GLTPD2: variants seen among roughly 807,000 people sequenced by gnomAD.
GLTPD2 encodes the protein glycolipid transfer protein domain-containing protein 2.
A neutral mutation model predicts 12.9 loss-of-function variants in GLTPD2; 12 were observed. That is an observed-to-expected ratio of 0.93 (90% CI 0.59 to 1.50). The LOEUF is 1.50. Ranked by LOEUF, GLTPD2 falls within the 40% of genes most tolerant of loss-of-function variation. The pLI, the probability that GLTPD2 is intolerant of heterozygous loss-of-function variation, is 0.00. For missense variants in GLTPD2, 450 were observed against 426.2 expected (o/e 1.06, Z -0.49); for synonymous variants, 199 against 205.6 (o/e 0.97, Z 0.27).
In GLTPD2 at chr17:4,790,320, G is replaced by A; in HGVS notation, c.*24G>A. 1 of 1,436,850 alleles carries A rather than the reference G, an allele frequency of 7.0e-7. No homozygotes were observed. Among genetic ancestry groups the A allele is most frequent in the Non-Finnish European group, 9.1e-7 (1 of 1,103,242 alleles). The allele number at this position is 1,436,850 out of a possible 1,614,324, so 89.0% of individuals were successfully genotyped here. On this transcript the variant is annotated 3_prime_UTR_variant, in exon 4 of 4. Coordinates refer to ENST00000331264, the MANE Select transcript of GLTPD2 (RefSeq NM_001014985.3). Reference sequence around the variant, plus strand: ...AAGACGGCGGCTGCGGGGACCGGCGGGAACGGAGCGGACCGCCCGGGGTGG... The same window carrying A: ...AAGACGGCGGCTGCGGGGACCGGCGAGAACGGAGCGGACCGCCCGGGGTGG...
chr17:4,790,466 T>A lies in GLTPD2; in HGVS notation c.*170T>A, dbSNP rs1917642633. The A allele has an allele frequency of 2.1e-6, 1 of 466,354 alleles. No individual in the cohort carries two copies. Among genetic ancestry groups the A allele is most frequent in the Non-Finnish European group, 3.6e-6 (1 of 279,108 alleles). The allele number at this position is 466,354 out of a possible 1,614,324, so 28.9% of individuals were successfully genotyped here. ...GCAGGGAATGGCGTTGAGCTCCCTC[T>A]GTCCGCAGTCTCGGAAAGACGGGAG... On this transcript the variant is annotated 3_prime_UTR_variant, in exon 4 of 4. Transcript: ENST00000331264.
In GLTPD2 at chr17:4,789,691, C is replaced by A; in HGVS notation, c.338+14C>A. On this transcript the variant is annotated intron_variant, in intron 3 of 3. Transcript: ENST00000331264. ...GGCACTCGTCGAGTGAGTGGCCTCC[C>A]GCCCCCCAGCCGGTCCCCGCCTCCT... The A allele has an allele frequency of 6.2e-7, 1 of 1,603,986 alleles. No individual in the cohort carries two copies. Among genetic ancestry groups the A allele is most frequent in the Admixed American group, 1.7e-5 (1 of 58,538 alleles).
At chr17:4,789,345 G>A (rs79202680) in intron 2 of GLTPD2, 55 bp downstream of exon 2, 8 of 1,529,594 alleles carry the variant, frequency 5.2e-6, no homozygotes, top group Non-Finnish European at 6.2e-6. Flanking sequence ...AGAACAGGGG[G>A]ACGTGGAGCC....
rs374396527 is a variant in GLTPD2 at position 4,789,061 on chromosome 17, C to A, written c.50C>A (p.Ser17Ter). Residue 17 changes from serine to a stop codon, truncating the protein, a stop_gained, in exon 1 of 4, where the codon TCA becomes TAA. Transcript: ENST00000331264. LOFTEE classifies it high-confidence loss of function. ...GCCCTGCGGCACTGGTTCAGCCACT[C>A]AATTCCTCTCGCTATCTTCGCGCTG... ...PPALRHWFSH[S>*]IPLAIFALLL... 2.0e-5 allele frequency: 32 copies of A among 1,613,890 alleles called. No homozygotes were observed. Among genetic ancestry groups the A allele is most frequent in the Admixed American group, 6.7e-5 (4 of 60,000 alleles).
intron 1 of GLTPD2, 31 bp from the exon 2 acceptor site, chr17:4,789,195 G>A: frequency 6.2e-7 from 1 of 1,602,844 alleles, no homozygotes; most frequent in Non-Finnish European, 8.5e-7. Context: ...TCTTTCTCGA[G>A]CCCTCACCGC....
Position 4,790,251 on chromosome 17 carries a change from C to T in GLTPD2, c.831C>T (p.Arg277=). ...AAGTLEDVYN[R]TQSLLAERGL... is the part of the protein sequence containing the mutation. ...GCACCTTGGAGGATGTCTACAACCGCACCCAGAGCCTGCTGGCCGAGCGCG... is the reference window on the plus strand; with the variant it reads ...GCACCTTGGAGGATGTCTACAACCGTACCCAGAGCCTGCTGGCCGAGCGCG... The change falls in exon 4 of 4, where the codon CGC becomes CGT. Residue 277 remains arginine, a synonymous_variant. Coordinates refer to ENST00000331264, the MANE Select transcript of GLTPD2 (RefSeq NM_001014985.3). The T allele has an allele frequency of 1.3e-6, 2 of 1,483,096 alleles. No homozygotes were observed. Among genetic ancestry groups the T allele is most frequent in the Non-Finnish European group, 8.9e-7 (1 of 1,124,816 alleles). The allele number at this position is 1,483,096 out of a possible 1,614,324, so 91.9% of individuals were successfully genotyped here. A position where few individuals can be genotyped will look rare whatever the true frequency, so the allele number is the denominator to read the frequency against.
rs1281203108 is a variant in GLTPD2 at position 4,788,983 on chromosome 17, G to T, written c.-29G>T. The T allele has an allele frequency of 1.3e-6, 2 of 1,599,122 alleles. No individual in the cohort carries two copies. The highest frequency in any genetic ancestry group is 1.7e-6 in the Non-Finnish European group (2 of 1,174,890). ...AGGGACACGGACTGGCTAGGCGCTGGTGAGGGGGCGGCGGTCCCAGCAGCA... is the reference window on the plus strand; with the variant it reads ...AGGGACACGGACTGGCTAGGCGCTGTTGAGGGGGCGGCGGTCCCAGCAGCA... On this transcript the variant is annotated 5_prime_UTR_variant, in exon 1 of 4. Coordinates refer to ENST00000331264, the MANE Select transcript of GLTPD2 (RefSeq NM_001014985.3).
chr17:4,790,056 G>C lies in GLTPD2; in HGVS notation c.636G>C (p.Val212=), dbSNP rs1318206534. The C allele has an allele frequency of 7.0e-7, 1 of 1,422,346 alleles. No homozygotes were observed. The highest frequency in any genetic ancestry group is 9.1e-7 in the Non-Finnish European group (1 of 1,099,206). 88.1% of individuals were successfully genotyped at this position (1,422,346 alleles called of 1,614,324 possible). ...TGALGGPDAG[V]QCSDAYRAAL... ...CGCTGGGAGGCCCGGACGCGGGCGTGCAGTGCAGCGACGCCTACCGTGCGG... is the reference window on the plus strand; with the variant it reads ...CGCTGGGAGGCCCGGACGCGGGCGTCCAGTGCAGCGACGCCTACCGTGCGG... The change falls in exon 4 of 4, where the codon GTG becomes GTC. Residue 212 remains valine (V), a synonymous_variant. Transcript: ENST00000331264.
chr17:4,788,991 G>A lies in GLTPD2; in HGVS notation c.-21G>A, dbSNP rs758408467. ...GGACTGGCTAGGCGCTGGTGAGGGG[G>A]CGGCGGTCCCAGCAGCAGGCATGGG... On this transcript the variant is annotated 5_prime_UTR_variant, in exon 1 of 4. Coordinates refer to ENST00000331264, the MANE Select transcript of GLTPD2 (RefSeq NM_001014985.3). 1.2e-5 allele frequency: 19 copies of A among 1,602,442 alleles called. No individual in the cohort carries two copies. The highest frequency in any genetic ancestry group is 1.6e-5 in the Non-Finnish European group (19 of 1,176,036).
chr17:4,789,296 C>G lies in GLTPD2; in HGVS notation c.171+6C>G, dbSNP rs889343169. 1.3e-6 allele frequency: 2 copies of G among 1,582,576 alleles called. No individual in the cohort carries two copies. The highest frequency in any genetic ancestry group is 2.7e-5 in the African/African-American group (2 of 73,718). ...GGGAAACGGCGCCCTTCCAGGTACG[C>G]TAGGCGCAGGATTGGGCGCGGGCGC... is the stretch of plus-strand genomic sequence containing the variant. On this transcript the variant is annotated splice_donor_region_variant and intron_variant, in intron 2 of 3. Coordinates refer to ENST00000331264, the MANE Select transcript of GLTPD2 (RefSeq NM_001014985.3).
chr17:4,790,134 C>T lies in GLTPD2; in HGVS notation c.714C>T (p.Phe238=), dbSNP rs765358242. The T allele has an allele frequency of 1.4e-6, 2 of 1,460,902 alleles. No individual in the cohort carries two copies. The highest frequency in any genetic ancestry group is 2.9e-5 in the East Asian group (1 of 34,206). 90.5% of individuals were successfully genotyped at this position (1,460,902 alleles called of 1,614,324 possible). A position where few individuals can be genotyped will look rare whatever the true frequency, so the allele number is the denominator to read the frequency against. ...TCCGACAGACCGCCCGCCTCGCCTT[C>T]CTCGCCTTCCCGGGTCGCCGCCGCC... ...WLVRQTARLA[F]LAFPGRRRLL... The change falls in exon 4 of 4, where the codon TTC becomes TTT. Residue 238 remains phenylalanine (F), a synonymous_variant. Transcript: ENST00000331264.
Position 4,790,129 on chromosome 17 carries a change from G to A in GLTPD2, c.709G>A (p.Ala237Thr). 6.9e-7 allele frequency: 1 copy of A among 1,453,974 alleles called. No individual in the cohort carries two copies. The highest frequency in any genetic ancestry group is 9.0e-7 in the Non-Finnish European group (1 of 1,113,834). 90.1% of individuals were successfully genotyped at this position (1,453,974 alleles called of 1,614,324 possible). A position where few individuals can be genotyped will look rare whatever the true frequency, so the allele number is the denominator to read the frequency against. ...PWLVRQTARL[A>T]FLAFPGRRRL... is the part of the protein sequence containing the mutation. ...GCTGGTCCGACAGACCGCCCGCCTC[G>A]CCTTCCTCGCCTTCCCGGGTCGCCG... The change falls in exon 4 of 4, where the codon GCC (alanine) becomes ACC (threonine). Residue 237 changes from alanine (A) to threonine (T), a missense_variant. By Grantham distance (58) the Ala-to-Thr change is moderately conservative. Coordinates refer to ENST00000331264, the MANE Select transcript of GLTPD2 (RefSeq NM_001014985.3).
rs369571991 is a variant in GLTPD2, at chr17:4,790,150, C to A, written c.730C>A (p.Arg244Ser). The A allele has an allele frequency of 1.4e-6, 2 of 1,466,872 alleles. No individual in the cohort carries two copies. The highest frequency in any genetic ancestry group is 1.3e-5 in the South Asian group (1 of 74,912). 90.9% of individuals were successfully genotyped at this position (1,466,872 alleles called of 1,614,324 possible). ...CCTCGCCTTCCTCGCCTTCCCGGGT[C>A]GCCGCCGCCTGCTGGAGCTGGCGTG... ...ARLAFLAFPG[R>S]RRLLELACPG... Residue 244 changes from arginine (R) to serine (S), a missense_variant, in exon 4 of 4, where the codon CGC becomes AGC. Transcript: ENST00000331264.
rs761320463 is a variant in GLTPD2, at chr17:4,789,680, G to C, written c.338+3G>C. 6 of 1,609,060 alleles carry C rather than the reference G, an allele frequency of 3.7e-6. No homozygotes were observed. The Admixed American group carries it at 1.0e-4, about 27-fold the overall frequency. ...GCGGGATGGAGGGCACTCGTCGAGT[G>C]AGTGGCCTCCCGCCCCCCAGCCGGT... On this transcript the variant is annotated splice_donor_region_variant and intron_variant, in intron 3 of 3. Coordinates refer to ENST00000331264, the MANE Select transcript of GLTPD2 (RefSeq NM_001014985.3).
chr17:4,790,131 C>T lies in GLTPD2; in HGVS notation c.711C>T (p.Ala237=), dbSNP rs990870021. 1 of 1,457,226 alleles carries T rather than the reference C, an allele frequency of 6.9e-7. No individual in the cohort carries two copies. The allele number at this position is 1,457,226 out of a possible 1,614,324, so 90.3% of individuals were successfully genotyped here. Residue 237 remains alanine, a synonymous_variant, in exon 4 of 4, where the codon GCC becomes GCT. Transcript: ENST00000331264. ...TGGTCCGACAGACCGCCCGCCTCGC[C>T]TTCCTCGCCTTCCCGGGTCGCCGCC... is the stretch of plus-strand genomic sequence containing the variant. ...PWLVRQTARL[A]FLAFPGRRRL...
rs375545907 is a variant in GLTPD2, at chr17:4,789,461, C to A, written c.172-50C>A. 16 of 1,589,470 alleles carry A rather than the reference C, an allele frequency of 1.0e-5. No individual in the cohort carries two copies. In the African/African-American group the frequency reaches 1.5e-4, roughly 15 times the overall value. On this transcript the variant is annotated intron_variant, in intron 2 of 3. Transcript: ENST00000331264. The stretch of plus-strand genomic sequence containing the variant: ...GCCAGCTAAACCTTCGGAACAATTT[C>A]TTCAGGGCAGAATCTGCTCCCACCT...
rs776196391 is a variant in GLTPD2 at position 4,789,128 on chromosome 17, C to G, written c.106+11C>G. On this transcript the variant is annotated intron_variant, in intron 1 of 3. Coordinates refer to ENST00000331264, the MANE Select transcript of GLTPD2 (RefSeq NM_001014985.3). ...GTGTTCGGAGCCTAGGTGAGCTGCC[C>G]CTTCCCTCACTTGCTCCGGGAGGAA... 1.2e-6 allele frequency: 2 copies of G among 1,613,064 alleles called. No homozygotes were observed. Among genetic ancestry groups the G allele is most frequent in the South Asian group, 1.1e-5 (1 of 90,940 alleles).
In GLTPD2 at chr17:4,789,947, G is replaced by C. The variant is rs1307816408; in HGVS notation, c.527G>C (p.Arg176Pro). 3.9e-6 allele frequency: 6 copies of C among 1,538,308 alleles called. No individual in the cohort carries two copies. The Admixed American group carries it at 1.2e-4, about 31-fold the overall frequency. ...QPGAAPRDPT[R>P]SSGSRTLLLL... is the part of the protein sequence containing the mutation. The stretch of plus-strand genomic sequence containing the variant: ...GGGGCGGCCCCCCGGGACCCGACCC[G>C]GAGCTCGGGCTCTCGCACGCTGCTC... Residue 176 changes from arginine (R) to proline (P), a missense_variant, in exon 4 of 4, where the codon CGG becomes CCG. Coordinates refer to ENST00000331264, the MANE Select transcript of GLTPD2 (RefSeq NM_001014985.3).
At position 4,789,128 on chromosome 17, in the gene GLTPD2, C is replaced by T. The variant is rs776196391; in HGVS notation, c.106+11C>T. 1.2e-6 allele frequency: 2 copies of T among 1,613,064 alleles called. No homozygotes were observed. Among genetic ancestry groups the T allele is most frequent in the East Asian group, 2.2e-5 (1 of 44,842 alleles). On this transcript the variant is annotated intron_variant, in intron 1 of 3. Transcript: ENST00000331264. ...GTGTTCGGAGCCTAGGTGAGCTGCCCCTTCCCTCACTTGCTCCGGGAGGAA... is the reference window on the plus strand; with the variant it reads ...GTGTTCGGAGCCTAGGTGAGCTGCCTCTTCCCTCACTTGCTCCGGGAGGAA...
Sources: allele counts gnomAD v4.1 joint callset, GRCh38; gene constraint gnomAD v4.1.1; transcripts MANE v1.5; gene names NCBI Gene and HGNC (gene_info 2026-07-23, HGNC 2026-07-21).